The following NCK2 variants were observed in gnomAD, a reference collection of about 807,000 sequenced individuals.
The protein encoded by NCK2 is cytoplasmic protein NCK2.
A neutral mutation model predicts 33.9 loss-of-function variants in NCK2; 16 were observed. The observed-to-expected ratio is 0.47, with a 90% CI of 0.32 to 0.72. The LOEUF (loss-of-function observed/expected upper bound fraction) is 0.72. Ranked by LOEUF, NCK2 falls within the 30% of genes least tolerant of loss-of-function variation. NCK2 has a pLI of 0.03. For missense variants in NCK2, 418 were observed against 537.3 expected (o/e 0.78, Z 2.19); for synonymous variants, 273 against 239.9 (o/e 1.14, Z -1.27).
At chr2:105,834,401 A>G (rs1043298457) in intron 2 of NCK2, among the ~76,000 whole-genome samples, 1 of 152,096 alleles carries the variant, frequency 6.6e-6, no homozygotes, top group Non-Finnish European at 1.5e-5. Flanking sequence ...TTTCTTTGCC[A>G]CTTTATGTTT....
intron 3 of NCK2, among the ~76,000 whole-genome samples, chr2:105,870,929 G>A (rs908379186): frequency 5.3e-5 from 8 of 152,020 alleles, no homozygotes; most frequent in African/African-American, 1.4e-4. Flanking sequence ...CCAGCACATC[G>A]TAGGATCTTG....
intron 1 of NCK2, among the ~76,000 whole-genome samples, chr2:105,792,982 G>A (rs780774064): frequency 8.5e-5 from 13 of 152,240 alleles, no homozygotes; most frequent in Non-Finnish European, 1.8e-4. Context: ...CTCACCAACC[G>A]AGTCAGCTTT....
At chr2:105,866,184 G>A (rs573178197) in intron 3 of NCK2, among the ~76,000 whole-genome samples, 4 of 152,296 alleles carry the variant, frequency 2.6e-5, no homozygotes, top group South Asian at 4.2e-4. Flanking sequence ...AAAGTGCCGG[G>A]ATTACAGGCG....
chr2:105,759,113 A>G (rs1689681603), intron 1 of NCK2, among the ~76,000 whole-genome samples: 3 of 152,200 alleles, frequency 2.0e-5, no homozygotes, highest in Non-Finnish European at 4.4e-5. Flanking sequence ...TCTGAGTTTG[A>G]TAAAATTTTA....
chr2:105,860,565 G>T (rs773802888), intron 3 of NCK2, among the ~76,000 whole-genome samples: 5 of 152,116 alleles, frequency 3.3e-5, no homozygotes, highest in Non-Finnish European at 5.9e-5. Context: ...AGTCAGAACC[G>T]CATGGGGAGG....
chr2:105,886,298 T>G (rs1316955553), intron 4 of NCK2, among the ~76,000 whole-genome samples: 2 of 152,236 alleles, frequency 1.3e-5, no homozygotes, highest in South Asian at 2.1e-4. Context: ...ATCTGGAAGT[T>G]TAGTGCTCAT....
intron 1 of NCK2, among the ~76,000 whole-genome samples, chr2:105,796,232 C>T (rs867988552): frequency 1.3e-5 from 2 of 152,122 alleles, no homozygotes; most frequent in African/African-American, 2.4e-5. Flanking sequence ...CATTTGCAGG[C>T]GTGTGTAAGT....
At chr2:105,784,582 A>G (rs1690608430) in intron 1 of NCK2, among the ~76,000 whole-genome samples, 2 of 152,242 alleles carry the variant, frequency 1.3e-5, no homozygotes, top group Non-Finnish European at 1.5e-5. Flanking sequence ...GTAGGTGAGC[A>G]TAAATGCATT....
intron 2 of NCK2, among the ~76,000 whole-genome samples, chr2:105,847,943 C>T (rs1676916385): frequency 1.3e-5 from 2 of 152,072 alleles, no homozygotes; most frequent in East Asian, 1.9e-4. Flanking sequence ...GGGATCTCTT[C>T]GTAAAACCTC....
At position 105,871,080 on chromosome 2, in the gene NCK2, C is replaced by CT. The variant is rs535934667; in HGVS notation, c.227-10247dup. Among the ~76,000 whole-genome samples the CT allele has an allele frequency of 2.5e-3, 388 of 152,158 alleles. 5 individuals carry two copies. Among genetic ancestry groups the CT allele is most frequent in the Non-Finnish European group, 1.1e-3 (78 of 68,000 alleles). On this transcript the variant is annotated intron_variant, in intron 3 of 4. Transcript: ENST00000233154. ...GGTGCCTGTCACTGCAGACACAGGC[C>CT]TGGAGGGTCGATGAGTGCGTGTGAA...
chr2:105,879,931 A>G (rs1678402759), intron 3 of NCK2, among the ~76,000 whole-genome samples: 1 of 152,224 alleles, frequency 6.6e-6, no homozygotes, highest in Non-Finnish European at 1.5e-5. Context: ...CACACTGATT[A>G]AGGTAGAGGT....
chr2:105,784,797 CATTTCAACATTCTTAG>C (rs1690618077), intron 1 of NCK2, among the ~76,000 whole-genome samples: 2 of 152,328 alleles, frequency 1.3e-5, no homozygotes, highest in South Asian at 4.1e-4. Flanking sequence ...CCACACTTCC[CATTTCAACATTCTTAG>C]AATATGCACA....
chr2:105,876,486 C>G (rs755306585), intron 3 of NCK2, among the ~76,000 whole-genome samples: 1 of 152,158 alleles, frequency 6.6e-6, no homozygotes, highest in Non-Finnish European at 1.5e-5. Context: ...TGTGCTCTTC[C>G]AAAATGCAAC....
At chr2:105,816,946 A>G (rs1675513187) in intron 2 of NCK2, among the ~76,000 whole-genome samples, 1 of 152,178 alleles carries the variant, frequency 6.6e-6, no homozygotes, top group Admixed American at 6.5e-5. Context: ...ATAAGGATAA[A>G]TAACCACTTT....
chr2:105,892,845 CAAAAA>C, intron 4 of NCK2, 132 bp from the exon 5 acceptor site: 14 of 469,962 alleles, frequency 3.0e-5, no homozygotes, highest in Non-Finnish European at 4.2e-5. Context: ...AACTCCATCT[CAAAAA>C]AAAAAAAAAA....
At chr2:105,846,500 G>T (rs1425087460) in intron 2 of NCK2, 5 of 151,962 alleles carry the variant, frequency 3.3e-5, no homozygotes, top group African/African-American at 1.2e-4. Context: ...TAATAGGAGG[G>T]TGTAGCAGAA....
intron 2 of NCK2, among the ~76,000 whole-genome samples, chr2:105,829,440 A>T: frequency 6.6e-6 from 1 of 152,106 alleles, no homozygotes; most frequent in East Asian, 1.9e-4. Flanking sequence ...CTTTATTTGG[A>T]TTTAAAACTT....
In NCK2 at chr2:105,816,148, A is replaced by G. The variant is rs72935784; in HGVS notation, c.-200-282A>G. Among the ~76,000 whole-genome samples the G allele has an allele frequency of 6.7e-3, 1,014 of 152,308 alleles. 13 individuals are homozygous for G. The highest frequency in any genetic ancestry group is 0.022 in the African/African-American group (926 of 41,566). On this transcript the variant is annotated intron_variant, in intron 1 of 4. Transcript: ENST00000233154. ...GATATATTTAAAACATTGGTTTCAAAATACATAAAATTAGCCAGGGGTGGT... is the reference window on the plus strand; with the variant it reads ...GATATATTTAAAACATTGGTTTCAAGATACATAAAATTAGCCAGGGGTGGT...
intron 3 of NCK2, 167 bp downstream of exon 3, chr2:105,855,456 A>G (rs1486765499): frequency 1.8e-5 from 11 of 600,120 alleles, no homozygotes; most frequent in African/African-American, 1.3e-4. Flanking sequence ...AGATGGAGAA[A>G]GAGGATGTTT....
Sources: gnomAD v4.1 joint callset for allele counts (sites outside exome capture counted in the v4.1 genomes callset) on GRCh38, gnomAD v4.1.1 for gene constraint, MANE v1.5 for transcripts, NCBI Gene and HGNC (gene_info 2026-07-23, HGNC 2026-07-21) for gene names.